The following TMEM200A variants were observed in gnomAD, a reference collection of about 807,000 sequenced individuals.
TMEM200A encodes the protein transmembrane protein 200A.
TMEM200A carries 12 observed loss-of-function variants against 24.3 expected under a neutral mutation model. That is an observed-to-expected ratio of 0.49 (90% confidence interval 0.32 to 0.80). The LOEUF (loss-of-function observed/expected upper bound fraction) is 0.80. Ranked by LOEUF, TMEM200A falls within the 30% of genes least tolerant of loss-of-function variation. The pLI, the probability that TMEM200A is intolerant of heterozygous loss-of-function variation, is 0.04. For synonymous variants in TMEM200A, 224 were observed against 224.4 expected (o/e 1.00, Z 0.02); for missense variants, 545 against 614.4 (o/e 0.89, Z 1.19).
Position 130,441,932 on chromosome 6 carries a change from T to C in TMEM200A, c.*34T>C, listed in dbSNP as rs1265931990. On this transcript the variant is annotated 3_prime_UTR_variant, in exon 3 of 3. Transcript: ENST00000296978. ...GAATATATCATTTTACAAGGGTATA[T>C]ATTTTAAAACGATTTTCACTGGTGT... is the stretch of plus-strand genomic sequence containing the variant. 5 of 1,537,998 alleles carry C rather than the reference T, an allele frequency of 3.3e-6. No homozygotes were observed. Among genetic ancestry groups the C allele is most frequent in the Non-Finnish European group, 4.4e-6 (5 of 1,145,450 alleles).
intron 2 of TMEM200A, among the ~76,000 whole-genome samples, chr6:130,399,064 G>C (rs1199998297): frequency 6.6e-6 from 1 of 151,898 alleles, no homozygotes; most frequent in Non-Finnish European, 1.5e-5. Context: ...TAGTTATGCA[G>C]GTATTGTTAA....
chr6:130,441,773 A>G lies in TMEM200A; in HGVS notation c.1351A>G (p.Lys451Glu). ...DRLLVPQVAI[K>E]KDFTNKEKLL... ...GTTGCTTGTGCCCCAAGTTGCCATC[A>G]AAAAGGACTTTACCAATAAGGAGAA... is the stretch of plus-strand genomic sequence containing the variant. Residue 451 changes from lysine (K) to glutamate (E), a missense_variant, in exon 3 of 3, where the codon AAA (lysine) becomes GAA (glutamate). Coordinates refer to ENST00000296978, the MANE Select transcript of TMEM200A (RefSeq NM_001258277.2). 6.2e-7 allele frequency: 1 copy of G among 1,614,138 alleles called. No homozygotes were observed. The highest frequency in any genetic ancestry group is 8.5e-7 in the Non-Finnish European group (1 of 1,179,988).
intron 2 of TMEM200A, among the ~76,000 whole-genome samples, chr6:130,420,758 G>A (rs574242366): frequency 1.4e-4 from 21 of 152,174 alleles, no homozygotes; most frequent in Middle Eastern, 3.4e-3. Context: ...AACAAAAAAC[G>A]TTGTCCCATT....
At chr6:130,397,809 T>A (rs899814450) in intron 2 of TMEM200A, among the ~76,000 whole-genome samples, 1 of 151,556 alleles carries the variant, frequency 6.6e-6, no homozygotes, top group African/African-American at 2.4e-5. Context: ...ATTTTTTTCC[T>A]TCTGTTGCTT....
intron 2 of TMEM200A, among the ~76,000 whole-genome samples, chr6:130,416,519 G>A (rs1779458594): frequency 6.6e-6 from 1 of 152,076 alleles, no homozygotes; most frequent in South Asian, 2.1e-4. Flanking sequence ...GCATCATCTT[G>A]ATAGCTGCTC....
chr6:130,440,979 C>G lies in TMEM200A; in HGVS notation c.557C>G (p.Thr186Ser). 1 of 1,614,060 alleles carries G rather than the reference C, an allele frequency of 6.2e-7. No homozygotes were observed. Among genetic ancestry groups the G allele is most frequent in the Non-Finnish European group, 8.5e-7 (1 of 1,180,004 alleles). ...CAAAGGCAAATGAACGGCATGTACA[C>G]TGGTTTGATGGGAGAAACAGAAGTA... ...KEQRQMNGMY[T>S]GLMGETEVKQ... Residue 186 changes from threonine (T) to serine (S), a missense_variant, in exon 3 of 3, where the codon ACT becomes AGT. Coordinates refer to ENST00000296978, the MANE Select transcript of TMEM200A (RefSeq NM_001258277.2).
chr6:130,377,696 TA>T (rs1778494240), intron 1 of TMEM200A, among the ~76,000 whole-genome samples: 1 of 152,224 alleles, frequency 6.6e-6, no homozygotes, highest in Non-Finnish European at 1.5e-5. Flanking sequence ...ATTCATTCAA[TA>T]AACATTTTCT....
chr6:130,382,982 G>T (rs918819023), intron 1 of TMEM200A: 2 of 983,426 alleles, frequency 2.0e-6, no homozygotes, highest in Non-Finnish European at 2.4e-6. Flanking sequence ...TCTAGATCAG[G>T]AAGCAAACCA....
intron 2 of TMEM200A, among the ~76,000 whole-genome samples, chr6:130,431,813 C>G (rs187553186): frequency 1.3e-5 from 2 of 152,154 alleles, no homozygotes; most frequent in Admixed American, 1.3e-4. Flanking sequence ...GAAGGCATTA[C>G]TAACAGAACA....
intron 2 of TMEM200A, among the ~76,000 whole-genome samples, chr6:130,423,924 T>C (rs1779663610): frequency 6.6e-6 from 1 of 152,156 alleles, no homozygotes; most frequent in African/African-American, 2.4e-5. Context: ...TAGAAGTGAG[T>C]TCCTATAAAG....
intron 2 of TMEM200A, among the ~76,000 whole-genome samples, chr6:130,415,394 AT>A (rs1429939195): frequency 6.6e-6 from 1 of 152,176 alleles, no homozygotes; most frequent in African/African-American, 2.4e-5. Context: ...GCATCCTTTA[AT>A]ATGTTCTCCT....
At chr6:130,391,028 C>A (rs544832793) in intron 2 of TMEM200A, among the ~76,000 whole-genome samples, 2 of 152,244 alleles carry the variant, frequency 1.3e-5, no homozygotes, top group African/African-American at 4.8e-5. Context: ...GTGTCCTCTG[C>A]GGGACAAAAA....
rs1238313750 is a variant in TMEM200A, at chr6:130,410,997, T to A, written c.-17+25761T>A. On this transcript the variant is annotated intron_variant, in intron 2 of 2. Coordinates refer to ENST00000296978, the MANE Select transcript of TMEM200A (RefSeq NM_001258277.2). ...CAGCCAGGTCAACATGGTGAAACCC[T>A]GTCTCTACTAAAAATACAAAAATTA... 3.3e-5 allele frequency among the ~76,000 whole-genome samples: 5 copies of A among 152,142 alleles called. No individual in the cohort carries two copies. The East Asian group carries it at 9.6e-4, about 29-fold the overall frequency.
chr6:130,402,646 C>T (rs1779116059), intron 2 of TMEM200A, among the ~76,000 whole-genome samples: 1 of 152,004 alleles, frequency 6.6e-6, no homozygotes, highest in African/African-American at 2.4e-5. Flanking sequence ...ATGGAATATA[C>T]TGCAGACACA....
chr6:130,392,982 A>G (rs1207209543), intron 2 of TMEM200A, among the ~76,000 whole-genome samples: 1 of 152,258 alleles, frequency 6.6e-6, no homozygotes. Context: ...AACTATTTGT[A>G]GTTCAATACA....
intron 2 of TMEM200A, among the ~76,000 whole-genome samples, chr6:130,385,617 T>A (rs1237255256): frequency 1.3e-5 from 2 of 152,196 alleles, no homozygotes; most frequent in Non-Finnish European, 2.9e-5. Flanking sequence ...TAGAAGCTCA[T>A]TGACTACAGA....
At chr6:130,424,668 T>C (rs1020188826) in intron 2 of TMEM200A, among the ~76,000 whole-genome samples, 1 of 152,150 alleles carries the variant, frequency 6.6e-6, no homozygotes, top group Non-Finnish European at 1.5e-5. Flanking sequence ...AAGCAGTAGA[T>C]AGTCCCCACA....
intron 2 of TMEM200A, among the ~76,000 whole-genome samples, chr6:130,394,680 G>A (rs73771825): frequency 4.1e-4 from 63 of 152,278 alleles, no homozygotes; most frequent in African/African-American, 1.5e-3. Flanking sequence ...ATGTCAAAAG[G>A]TACATACAAA....
At chr6:130,384,434 C>G (rs1778667488) in intron 1 of TMEM200A, among the ~76,000 whole-genome samples, 1 of 152,134 alleles carries the variant, frequency 6.6e-6, no homozygotes, top group Non-Finnish European at 1.5e-5. Flanking sequence ...GTCTCAGCCT[C>G]CCGAGTAGGT....
Sources: gnomAD v4.1 joint callset for allele counts (sites outside exome capture counted in the v4.1 genomes callset) on GRCh38, gnomAD v4.1.1 for gene constraint, MANE v1.5 for transcripts, NCBI Gene and HGNC (gene_info 2026-07-23, HGNC 2026-07-21) for gene names.